Variants in RIF1 observed in about 807,000 individuals in gnomAD.
The protein encoded by RIF1 is telomere-associated protein RIF1.
In RIF1, 45 loss-of-function variants were observed where a neutral mutation model predicts 247.1. That is an observed-to-expected ratio of 0.18 (90% CI 0.14 to 0.23). The LOEUF (loss-of-function observed/expected upper bound fraction) is 0.23, where lower values mean the gene tolerates loss of function less well. Ranked by LOEUF, RIF1 falls within the 10% of genes least tolerant of loss-of-function variation. The pLI, the probability that RIF1 is intolerant of heterozygous loss-of-function variation, is 1.00. For missense variants in RIF1, 2,967 were observed against 2,862.5 expected, an observed-to-expected ratio of 1.04 and a Z score of -0.83; for synonymous variants, 1,087 against 978.8, an observed-to-expected ratio of 1.11 and a Z score of -2.06.
the RIF1 span, among the ~76,000 whole-genome samples, chr2:151,513,350 C>T: frequency 6.6e-6 from 1 of 152,128 alleles, no homozygotes; most frequent in Non-Finnish European, 1.5e-5. Context: ...CAGTTTCTGC[C>T]CTTTGCTCTG....
chr2:151,532,872 T>C, the RIF1 span, among the ~76,000 whole-genome samples: 2 of 152,206 alleles, frequency 1.3e-5, no homozygotes, highest in Non-Finnish European at 2.9e-5. Context: ...CATGCTTCAG[T>C]TGGCCTTCTA....
In RIF1 at chr2:151,433,697, C is replaced by T. The variant is rs537299044; in HGVS notation, c.1077+469C>T. Among the ~76,000 whole-genome samples the T allele has an allele frequency of 2.1e-3, 317 of 152,064 alleles. 1 individual carries two copies. Among genetic ancestry groups the T allele is most frequent in the African/African-American group, 7.2e-3 (301 of 41,536 alleles). On this transcript the variant is annotated intron_variant, in intron 10 of 35. Transcript: ENST00000444746. ...CTCGCACTCCTGGCCTCAAATGATT[C>T]GCCCATGCCAGCCTCCCAAAATGCT...
chr2:151,510,565 T>C (rs1180781290), downstream of RIF1, among the ~76,000 whole-genome samples: 1 of 152,238 alleles, frequency 6.6e-6, no homozygotes, highest in Non-Finnish European at 1.5e-5. Context: ...TAAGAGTACA[T>C]TACAATAAGA....
chr2:151,435,075 G>C (rs1690915070), intron 10 of RIF1, among the ~76,000 whole-genome samples: 1 of 152,030 alleles, frequency 6.6e-6, no homozygotes, highest in South Asian at 2.1e-4. Context: ...GGGTCCAATA[G>C]GCTAATTCTT....
At chr2:151,525,561 C>T in the RIF1 span, among the ~76,000 whole-genome samples, 1 of 152,128 alleles carries the variant, frequency 6.6e-6, no homozygotes, top group Non-Finnish European at 1.5e-5. Flanking sequence ...TCATATAATA[C>T]CAAGGTTACT....
rs369589628 is a variant in RIF1 at position 151,430,712 on chromosome 2, G to A, written c.925+1790G>A. 3.3e-5 allele frequency among the ~76,000 whole-genome samples: 5 copies of A among 149,922 alleles called. No homozygotes were observed. In the East Asian group the frequency reaches 5.9e-4, roughly 18 times the overall value. On this transcript the variant is annotated intron_variant, in intron 9 of 35. Coordinates refer to ENST00000444746, the MANE Select transcript of RIF1 (RefSeq NM_018151.5). ...AGGGTCTTGCCCTGTCACCTAGACTGGAGTGCAGTGGCTGACTGCAGCCTT... is the reference window on the plus strand; with the variant it reads ...AGGGTCTTGCCCTGTCACCTAGACTAGAGTGCAGTGGCTGACTGCAGCCTT...
intron 18 of RIF1, among the ~76,000 whole-genome samples, chr2:151,444,472 G>A (rs1180861069): frequency 1.3e-5 from 2 of 152,140 alleles, no homozygotes; most frequent in Non-Finnish European, 2.9e-5. Flanking sequence ...ACCAAGCCCA[G>A]TTAATTTTTG....
At chr2:151,530,312 C>T in the RIF1 span, among the ~76,000 whole-genome samples, 1 of 152,168 alleles carries the variant, frequency 6.6e-6, no homozygotes, top group Non-Finnish European at 1.5e-5. Flanking sequence ...GCAGGCCCAA[C>T]AGGCAGTTTT....
the RIF1 span, among the ~76,000 whole-genome samples, chr2:151,522,492 A>C: frequency 6.6e-6 from 1 of 152,360 alleles, no homozygotes; most frequent in East Asian, 1.9e-4. Flanking sequence ...TTAGGAGTCC[A>C]TCTCTGAGTC....
At chr2:151,446,596 C>T in intron 20 of RIF1, 21 bp downstream of exon 20, 1 of 1,600,202 alleles carries the variant, frequency 6.2e-7, no homozygotes, top group Non-Finnish European at 8.5e-7. Context: ...CCTGATGCTA[C>T]CTTTTTTTGT....
intron 26 of RIF1, 98 bp downstream of exon 26, chr2:151,460,217 A>G: frequency 1.0e-6 from 1 of 1,001,104 alleles, no homozygotes; most frequent in South Asian, 1.9e-5. Context: ...AAAAGACTAA[A>G]TAAAGGTTGG....
At chr2:151,436,298 A>T (rs1165931621) in intron 11 of RIF1, among the ~76,000 whole-genome samples, 3 of 152,100 alleles carry the variant, frequency 2.0e-5, no homozygotes, top group African/African-American at 7.2e-5. Context: ...CTCAGCATTT[A>T]GGGGGCTGAG....
rs1368310062 is a variant in RIF1, at chr2:151,474,078, T to A, written c.7204+6T>A. On this transcript the variant is annotated splice_donor_region_variant and intron_variant, in intron 35 of 35. Transcript: ENST00000444746. ...TGAAGAAAGACTTGTCTCAGGTATATTTTAGCAAAAGTGGGATAATTTTAT... is the reference window on the plus strand; with the variant it reads ...TGAAGAAAGACTTGTCTCAGGTATAATTTAGCAAAAGTGGGATAATTTTAT... The A allele has an allele frequency of 2.3e-6, 3 of 1,332,294 alleles. No individual in the cohort carries two copies. In the African/African-American group the frequency reaches 4.4e-5, roughly 20 times the overall value. The allele number at this position is 1,332,294 out of a possible 1,614,324, so 82.5% of individuals were successfully genotyped here. A position where few individuals can be genotyped will look rare whatever the true frequency, so the allele number is the denominator to read the frequency against.
chr2:151,442,226 C>T (rs1268930618), intron 16 of RIF1, among the ~76,000 whole-genome samples: 1 of 151,638 alleles, frequency 6.6e-6, no homozygotes, highest in Non-Finnish European at 1.5e-5. Context: ...CAGGCATGTG[C>T]CACCACACCC....
At chr2:151,516,356 A>C in the RIF1 span, 1 of 690,904 alleles carries the variant, frequency 1.4e-6, no homozygotes, top group Non-Finnish European at 2.4e-6. Flanking sequence ...AAGTTTCATC[A>C]GCTACCACTT....
exon 11 of RIF1, chr2:151,499,422 C>T (rs771115130): frequency 4.7e-6 from 6 of 1,287,226 alleles, no homozygotes; most frequent in Non-Finnish European, 6.6e-6. Flanking sequence ...CCAGAAAAAA[C>T]AAGAGCAGTC....
At chr2:151,503,516 A>G (rs939143142) in intron 12 of RIF1, 2 of 945,874 alleles carry the variant, frequency 2.1e-6, no homozygotes, top group African/African-American at 3.3e-5. Context: ...CATGTGGGCT[A>G]TTTGGGGGAA....
chr2:151,501,989 A>T (rs2065018739), intron 11 of RIF1, among the ~76,000 whole-genome samples: 1 of 152,208 alleles, frequency 6.6e-6, no homozygotes. Context: ...CAAGTAAATT[A>T]TATTTACTGT....
chr2:151,465,449 G>T lies in RIF1; in HGVS notation c.5929G>T (p.Asp1977Tyr), dbSNP rs764576584. The change falls in exon 30 of 36, where the codon GAT (aspartate) becomes TAT (tyrosine). Residue 1977 changes from aspartate (D) to tyrosine (Y), a missense_variant. Physicochemically the swap from Asp to Tyr is radical, Grantham distance 160. Around this residue, in one of 7 missense-constraint regions of RIF1, gnomAD observed 2,028 missense variants for 1,825.6 expected, o/e 1.11. Transcript: ENST00000444746. ...EEFNSDISLS[D>Y]NTTPVKLNAQ... is the part of the protein sequence containing the mutation. ...ATTTAATTCAGATATTAGTCTTTCTGATAATACTACACCTGTAAAATTGAA... is the reference window on the plus strand; with the variant it reads ...ATTTAATTCAGATATTAGTCTTTCTTATAATACTACACCTGTAAAATTGAA... The T allele has an allele frequency of 8.7e-6, 14 of 1,613,864 alleles. No individual in the cohort carries two copies. The South Asian group carries it at 1.5e-4, about 18-fold the overall frequency.
Sources: allele counts gnomAD v4.1 joint callset (sites outside exome capture counted in the v4.1 genomes callset), GRCh38; gene constraint gnomAD v4.1.1; regional missense constraint gnomAD v4.1.1; transcripts MANE v1.5; gene names NCBI Gene and HGNC (gene_info 2026-07-23, HGNC 2026-07-21).